The following PIGN variants were observed in gnomAD, a reference collection of about 807,000 sequenced individuals.
PIGN encodes the protein phosphatidylinositol glycan anchor biosynthesis class N, also known as GPI ethanolamine phosphate transferase 1.
In PIGN, 117 loss-of-function variants were observed where a neutral mutation model predicts 125.4. The observed-to-expected ratio is 0.93, with a 90% CI of 0.80 to 1.09. PIGN has a LOEUF of 1.09. PIGN is among the 50% of genes least tolerant of loss of function. PIGN has a pLI of 0.00. For synonymous variants in PIGN, 392 were observed against 377.8 expected (o/e 1.04, Z -0.44); for missense variants, 1,075 against 1,094.9 (o/e 0.98, Z 0.26).
intron 7 of PIGN, among the ~76,000 whole-genome samples, chr18:62,148,698 T>C (rs910718859): frequency 6.6e-6 from 1 of 152,090 alleles, no homozygotes; most frequent in African/African-American, 2.4e-5. Context: ...TGTTACCAGT[T>C]TAAGAATAAT....
intron 4 of PIGN, among the ~76,000 whole-genome samples, 200 bp downstream of exon 4, chr18:62,160,933 A>G (rs1157906202): frequency 6.6e-6 from 1 of 152,240 alleles, no homozygotes; most frequent in Non-Finnish European, 1.5e-5. Context: ...AGCTTCAACA[A>G]TACCAGAAAT....
At chr18:62,120,522 T>C (rs2146748635) in intron 14 of PIGN, among the ~76,000 whole-genome samples, 1 of 152,136 alleles carries the variant, frequency 6.6e-6, no homozygotes, top group East Asian at 1.9e-4. Context: ...TAAATAAATG[T>C]TGATAATACA....
intron 30 of PIGN, chr18:62,059,277 C>T (rs2031966388): frequency 6.7e-6 from 1 of 150,152 alleles, no homozygotes; most frequent in African/African-American, 2.4e-5. Context: ...AGTACAAACT[C>T]TTCAGCATAG....
At chr18:62,126,275 C>T (rs1161089215) in intron 14 of PIGN, among the ~76,000 whole-genome samples, 1 of 152,050 alleles carries the variant, frequency 6.6e-6, no homozygotes. Flanking sequence ...GTGATTAATA[C>T]ATTTTTCTAC....
At chr18:62,091,453 T>C (rs1215205492) in intron 23 of PIGN, among the ~76,000 whole-genome samples, 2 of 152,296 alleles carry the variant, frequency 1.3e-5, no homozygotes, top group South Asian at 2.1e-4. Context: ...ATTAAGAATC[T>C]CAAAAATATT....
At chr18:62,118,884 T>C (rs2035187612) in intron 14 of PIGN, among the ~76,000 whole-genome samples, 1 of 124,088 alleles carries the variant, frequency 8.1e-6, no homozygotes, top group Non-Finnish European at 1.8e-5. Context: ...AGAAAAGAGG[T>C]GAAAAAAAAA....
chr18:62,157,681 C>CAATA lies in PIGN; in HGVS notation c.343+2_343+5dup. On this transcript the variant is annotated splice_donor_region_variant and intron_variant, in intron 5 of 30. Transcript: ENST00000640252. ...CATTTCATAAGATTGTCCAAATAGA[C>CAATA]AATACCTTTGGCAACTGCACTGACA... The CAATA allele has an allele frequency of 6.2e-7, 1 of 1,607,768 alleles. No individual in the cohort carries two copies. Among genetic ancestry groups the CAATA allele is most frequent in the Non-Finnish European group, 8.5e-7 (1 of 1,176,766 alleles).
chr18:62,143,428 C>G (rs1032540642), intron 10 of PIGN, 82 bp from the exon 11 acceptor site: 2 of 833,480 alleles, frequency 2.4e-6, no homozygotes, highest in African/African-American at 3.4e-5. Context: ...GTGGCCAATA[C>G]TTATGGAAAA....
chr18:62,138,229 T>TAAAA lies in PIGN; in HGVS notation c.1172+13_1172+14insTTTT. ...TCTTTCCTTCAAGTTAATAAAAAAATGTAAGGGACTTACTTAAATGGTGTA... is the reference window on the plus strand; with the variant it reads ...TCTTTCCTTCAAGTTAATAAAAAAATAAAAGTAAGGGACTTACTTAAATGGTGTA... On this transcript the variant is annotated intron_variant, in intron 14 of 30. Coordinates refer to ENST00000640252, the MANE Select transcript of PIGN (RefSeq NM_176787.5). The TAAAA allele has an allele frequency of 6.5e-7, 1 of 1,541,022 alleles. No individual in the cohort carries two copies. The highest frequency in any genetic ancestry group is 2.1e-5 in the Admixed American group (1 of 48,294).
chr18:62,175,611 C>T (rs578207047), intron 1 of PIGN, among the ~76,000 whole-genome samples: 4 of 152,254 alleles, frequency 2.6e-5, no homozygotes, highest in African/African-American at 9.6e-5. Flanking sequence ...CTTGGGCTCC[C>T]AAAGTGCTGG....
At chr18:62,065,481 G>C (rs1222293758) in intron 30 of PIGN, among the ~76,000 whole-genome samples, 1 of 152,182 alleles carries the variant, frequency 6.6e-6, no homozygotes, top group African/African-American at 2.4e-5. Flanking sequence ...GCTCACGCCT[G>C]TAATCCCAGC....
chr18:62,132,868 T>C (rs1034697645), intron 14 of PIGN, among the ~76,000 whole-genome samples: 1 of 142,580 alleles, frequency 7.0e-6, no homozygotes, highest in African/African-American at 2.5e-5. Flanking sequence ...TTTTTCCAAA[T>C]GGTCAATTTT....
At chr18:62,161,493 T>C (rs1345608680) in intron 3 of PIGN, 108 bp from the exon 4 acceptor site, 6 of 569,014 alleles carry the variant, frequency 1.1e-5, no homozygotes, top group African/African-American at 3.7e-5. Context: ...TTAATTATTA[T>C]ATAACTCACA....
intron 14 of PIGN, among the ~76,000 whole-genome samples, chr18:62,132,631 CAGG>C (rs1200604002): frequency 1.3e-5 from 2 of 151,904 alleles, no homozygotes; most frequent in Non-Finnish European, 2.9e-5. Context: ...CGCTTGAGCC[CAGG>C]AGTTCAAGAT....
chr18:62,127,597 A>G (rs1021238731), intron 14 of PIGN, among the ~76,000 whole-genome samples: 12 of 152,332 alleles, frequency 7.9e-5, no homozygotes, highest in African/African-American at 2.4e-4. Context: ...TAAGTACATA[A>G]TAACTGTGAG....
chr18:62,147,413 T>C (rs2036374322), intron 8 of PIGN, among the ~76,000 whole-genome samples: 1 of 152,224 alleles, frequency 6.6e-6, no homozygotes, highest in African/African-American at 2.4e-5. Flanking sequence ...CTACATAAAC[T>C]AAACTGTTTG....
chr18:62,028,168 G>C (rs1233232520), intron 23 of PIGN, among the ~76,000 whole-genome samples: 1 of 152,216 alleles, frequency 6.6e-6, no homozygotes. Context: ...CAGCGGAGAT[G>C]ATAAGAACAG....
chr18:62,026,003 C>A (rs1379048810), intron 23 of PIGN, among the ~76,000 whole-genome samples: 1 of 152,176 alleles, frequency 6.6e-6, no homozygotes, highest in Non-Finnish European at 1.5e-5. Flanking sequence ...GTGAAATCTA[C>A]CCAATCCCTG....
At chr18:62,107,994 A>T (rs747254925) in intron 17 of PIGN, among the ~76,000 whole-genome samples, 1 of 152,184 alleles carries the variant, frequency 6.6e-6, no homozygotes, top group Non-Finnish European at 1.5e-5. Context: ...CTAGGAAAAA[A>T]AGTTAACATT....
Sources: allele counts gnomAD v4.1 joint callset (sites outside exome capture counted in the v4.1 genomes callset), GRCh38; gene constraint gnomAD v4.1.1; transcripts MANE v1.5; gene names NCBI Gene and HGNC (gene_info 2026-07-23, HGNC 2026-07-21).